Variants in ZBTB44 observed in about 807,000 individuals in gnomAD.
ZBTB44 encodes the protein zinc finger and BTB domain containing 44, also known as zinc finger and BTB domain-containing protein 44.
ZBTB44 carries 15 observed loss-of-function variants against 54.0 expected under a neutral mutation model. The ratio of observed to expected loss-of-function variants is 0.28; its 90% CI spans 0.19 to 0.43. The LOEUF (loss-of-function observed/expected upper bound fraction) is 0.43, where lower values mean the gene tolerates loss of function less well. ZBTB44 is among the 20% of genes least tolerant of loss of function. The pLI is 1.00. For synonymous variants in ZBTB44, 230 were observed against 250.1 expected, an observed-to-expected ratio of 0.92 and a Z score of 0.76; for missense variants, 487 against 707.1, an observed-to-expected ratio of 0.69 and a Z score of 3.53.
chr11:130,313,940 G>T (rs917067979), intron 1 of ZBTB44, among the ~76,000 whole-genome samples: 6 of 70,536 alleles, frequency 8.5e-5, no homozygotes, highest in Admixed American at 1.9e-4. Flanking sequence ...GTGTGTGTTT[G>T]TGTGTGTGTA....
rs1409828715 is a variant in ZBTB44 at position 130,289,596 on chromosome 11, TA to T, written c.-57+24778del. On this transcript the variant is annotated intron_variant, in intron 1 of 7. Transcript: ENST00000357899. ...AGAAGTTAGGTTTCCTTGCAGACTT[TA>T]AAAAAAAAAAGGTGGGGGTGGGGCA... Among the ~76,000 whole-genome samples, 1,056 of 108,610 alleles carry T rather than the reference TA, an allele frequency of 9.7e-3. 9 individuals carry two copies. Among genetic ancestry groups the T allele is most frequent in the African/African-American group, 0.029 (826 of 28,414 alleles). The allele number at this position is 108,610 out of a possible 152,430, so 71.3% of individuals were successfully genotyped here. A position where few individuals can be genotyped will look rare whatever the true frequency, so the allele number is the denominator to read the frequency against.
chr11:130,228,242 T>A lies in ZBTB44; in HGVS notation c.*3522A>T, dbSNP rs947740271. On this transcript the variant is annotated 3_prime_UTR_variant, in exon 8 of 8. Coordinates refer to ENST00000357899, the MANE Select transcript of ZBTB44 (RefSeq NM_001301098.2). ...ACTCTATTAGGGACCGTTGCTTTTT[T>A]AAAAAATACCTTGAGATATAAGCAT... 6.6e-5 allele frequency: 10 copies of A among 152,138 alleles called. No homozygotes were observed. The highest frequency in any genetic ancestry group is 4.1e-4 in the South Asian group (2 of 4,834). 9.4% of individuals were successfully genotyped at this position (152,138 alleles called of 1,614,324 possible). A position where few individuals can be genotyped will look rare whatever the true frequency, so the allele number is the denominator to read the frequency against.
intron 1 of ZBTB44, among the ~76,000 whole-genome samples, chr11:130,271,950 G>A (rs1007553239): frequency 2.6e-5 from 4 of 152,054 alleles, no homozygotes; most frequent in African/African-American, 7.2e-5. Flanking sequence ...GTATGAGGAG[G>A]CTGGATGCGG....
chr11:130,250,838 A>C (rs1324962832), intron 2 of ZBTB44, among the ~76,000 whole-genome samples: 4 of 152,220 alleles, frequency 2.6e-5, no homozygotes, highest in African/African-American at 9.7e-5. Context: ...GATGAGGAAA[A>C]ACCAGCACAA....
At chr11:130,308,443 G>A (rs886306767) in intron 1 of ZBTB44, among the ~76,000 whole-genome samples, 3 of 152,090 alleles carry the variant, frequency 2.0e-5, no homozygotes, top group Admixed American at 6.6e-5. Flanking sequence ...AACCTGGGTC[G>A]GCCACTTATT....
rs145648202 is a variant in ZBTB44 at position 130,262,560 on chromosome 11, G to A, written c.-56-631C>T. 3.9e-3 allele frequency among the ~76,000 whole-genome samples: 594 copies of A among 152,270 alleles called. 6 individuals are homozygous for A. Among genetic ancestry groups the A allele is most frequent in the African/African-American group, 0.013 (549 of 41,550 alleles). ...CTTCACATTTAATAGTTAGTTGATT[G>A]TCATCATATCTCTATCAGTAGGCGT... is the stretch of plus-strand genomic sequence containing the variant. On this transcript the variant is annotated intron_variant, in intron 1 of 7. Coordinates refer to ENST00000357899, the MANE Select transcript of ZBTB44 (RefSeq NM_001301098.2).
chr11:130,247,607 A>C (rs1216159711), intron 2 of ZBTB44, among the ~76,000 whole-genome samples: 16 of 152,238 alleles, frequency 1.1e-4, no homozygotes, highest in Non-Finnish European at 1.9e-4. Context: ...GAGGATGAAC[A>C]TAGGTTGGAT....
At chr11:130,271,011 G>A (rs1478120894) in intron 1 of ZBTB44, among the ~76,000 whole-genome samples, 1 of 152,186 alleles carries the variant, frequency 6.6e-6, no homozygotes, top group African/African-American at 2.4e-5. Context: ...CACGTTGTTA[G>A]AAGCTTGGAG....
Position 130,261,518 on chromosome 11 carries a change from G to A in ZBTB44, c.356C>T (p.Thr119Ile). The A allele has an allele frequency of 1.2e-6, 2 of 1,613,992 alleles. No homozygotes were observed. The highest frequency in any genetic ancestry group is 1.7e-6 in the Non-Finnish European group (2 of 1,179,888). ...SYMQMFSVAS[T>I]CSEFMKSSIL... ...GCTTGATTTCATGAACTCTGAGCAG[G>A]TGCTGGCAACACTGAACATTTGCAT... The change falls in exon 2 of 8, where the codon ACC becomes ATC. Residue 119 changes from threonine to isoleucine, a missense_variant. Transcript: ENST00000357899. The surrounding 1 kb of genome is among the most constrained non-coding windows in gnomAD (Gnocchi z 4.8).
intron 1 of ZBTB44, among the ~76,000 whole-genome samples, chr11:130,284,477 A>G (rs982624444): frequency 6.6e-6 from 1 of 152,210 alleles, no homozygotes; most frequent in Admixed American, 6.5e-5. Flanking sequence ...ACTTAATGTC[A>G]GTTATTAACG....
chr11:130,287,580 T>C (rs1941041833), intron 1 of ZBTB44, among the ~76,000 whole-genome samples: 1 of 152,260 alleles, frequency 6.6e-6, no homozygotes, highest in African/African-American at 2.4e-5. Context: ...AGAAAGCTTC[T>C]GCTCCCATAA....
chr11:130,277,602 T>C (rs1388994278), intron 1 of ZBTB44, among the ~76,000 whole-genome samples: 3 of 152,218 alleles, frequency 2.0e-5, no homozygotes, highest in Non-Finnish European at 4.4e-5. Context: ...TACATATATG[T>C]ATATACATAT....
At chr11:130,304,396 A>G (rs1252806432) in intron 1 of ZBTB44, among the ~76,000 whole-genome samples, 3 of 152,180 alleles carry the variant, frequency 2.0e-5, no homozygotes, top group Non-Finnish European at 4.4e-5. Flanking sequence ...AGTATTAAAA[A>G]ATCATATTGG....
rs756112311 is a variant in ZBTB44, at chr11:130,261,059, C to A, written c.815G>T (p.Cys272Phe). 1 of 1,613,998 alleles carries A rather than the reference C, an allele frequency of 6.2e-7. No homozygotes were observed. Among genetic ancestry groups the A allele is most frequent in the Admixed American group, 1.7e-5 (1 of 60,026 alleles). Residue 272 changes from cysteine (C) to phenylalanine (F), a missense_variant, in exon 2 of 8, where the codon TGT becomes TTT. Cys to Phe is a radical substitution (Grantham distance 205). Coordinates refer to ENST00000357899, the MANE Select transcript of ZBTB44 (RefSeq NM_001301098.2). This position sits in a 1 kb window ranked among gnomAD's most constrained non-coding sequence, Gnocchi z 4.8. ...AGGCAAGGTAGTTTTTGTGCTCTCA[C>A]AAGTCACATAATCAGCCATTCTTCT... Reference protein sequence around the residue: ...TGRRMADYVTCESTKTTLPLG... With the variant: ...TGRRMADYVTFESTKTTLPLG...
intron 1 of ZBTB44, among the ~76,000 whole-genome samples, chr11:130,272,535 C>CA (rs1939750448): frequency 6.6e-6 from 1 of 152,210 alleles, no homozygotes; most frequent in South Asian, 2.1e-4. Flanking sequence ...TATTTTCTCT[C>CA]ATTCTGTGGG....
intron 1 of ZBTB44, chr11:130,295,991 A>G: frequency 6.5e-7 from 1 of 1,549,712 alleles, no homozygotes; most frequent in African/African-American, 1.4e-5. Flanking sequence ...CTGCTGTATC[A>G]TATGCAGAAT....
chr11:130,236,574 T>C (rs1435312114), intron 5 of ZBTB44: 2 of 432,164 alleles, frequency 4.6e-6, no homozygotes, highest in African/African-American at 4.1e-5. Context: ...AGGAAAATAT[T>C]TTTAATACCA....
chr11:130,306,227 G>A lies in ZBTB44; in HGVS notation c.-57+8148C>T, dbSNP rs182710146. Among the ~76,000 whole-genome samples the A allele has an allele frequency of 4.5e-4, 68 of 152,276 alleles. No individual in the cohort carries two copies. In the East Asian group the frequency reaches 0.012, roughly 26 times the overall value. On this transcript the variant is annotated intron_variant, in intron 1 of 7. Transcript: ENST00000357899. Reference sequence around the variant, plus strand: ...CCTTTAAGAACTAAAAGTAGGCTGGGCACGATGGCTCACACTTGTAATCCC... The same window carrying A: ...CCTTTAAGAACTAAAAGTAGGCTGGACACGATGGCTCACACTTGTAATCCC...
At chr11:130,301,125 A>C (rs1015999945) in intron 1 of ZBTB44, among the ~76,000 whole-genome samples, 1 of 152,126 alleles carries the variant, frequency 6.6e-6, no homozygotes, top group Admixed American at 6.5e-5. Context: ...GGTAGAAGGA[A>C]ATGGGATTCA....
Sources: gnomAD v4.1 joint callset for allele counts (sites outside exome capture counted in the v4.1 genomes callset) on GRCh38, gnomAD v4.1.1 for gene constraint, Gnocchi (gnomAD v3.1) non-coding constraint, MANE v1.5 for transcripts, NCBI Gene and HGNC (gene_info 2026-07-23, HGNC 2026-07-21) for gene names.